Variants in LMBRD2 observed in about 807,000 individuals in gnomAD.
LMBRD2 encodes the protein G protein-coupled receptor-associated protein LMBRD2.
A neutral mutation model predicts 94.4 loss-of-function variants in LMBRD2; 55 were observed. The ratio of observed to expected loss-of-function variants is 0.58; its 90% CI spans 0.47 to 0.73. LMBRD2 has a LOEUF of 0.73. Among genes scored for constraint, LMBRD2 ranks in the 30% least tolerant of loss-of-function variants. The pLI is 0.00. For synonymous variants in LMBRD2, 246 were observed against 272.4 expected, an observed-to-expected ratio of 0.90 and a Z score of 0.95; for missense variants, 640 against 831.9, an observed-to-expected ratio of 0.77 and a Z score of 2.84.
intron 4 of LMBRD2, 57 bp downstream of exon 4, chr5:36,141,050 A>G: frequency 1.1e-6 from 1 of 917,674 alleles, no homozygotes; most frequent in Non-Finnish European, 1.8e-6. Context: ...ATTGATTGAA[A>G]AACATTTTAT....
intron 11 of LMBRD2, 39 bp downstream of exon 11, chr5:36,116,420 TG>T: frequency 6.3e-7 from 1 of 1,581,238 alleles, no homozygotes; most frequent in Non-Finnish European, 8.7e-7. Context: ...ATACACTCAA[TG>T]ATGACATTTC....
intron 16 of LMBRD2, among the ~76,000 whole-genome samples, chr5:36,106,578 C>T (rs996802402): frequency 4.3e-5 from 6 of 140,830 alleles, no homozygotes; most frequent in Non-Finnish European, 6.0e-5. Context: ...GACATGATCT[C>T]GGCTCACTAC....
Position 36,143,310 on chromosome 5 carries a change from A to G in LMBRD2, c.40T>C (p.Phe14Leu), listed in dbSNP as rs373517527. ...AALGLEIVFV[F>L]FLALFLLHRY... Reference sequence around the variant, plus strand: ...TGAAGCAGAAATAATGCCAGAAAAAAGACAAAAACAATCTCAAGTCCCAAA... The same window carrying G: ...TGAAGCAGAAATAATGCCAGAAAAAGGACAAAAACAATCTCAAGTCCCAAA... The change falls in exon 2 of 18, where the codon TTT becomes CTT. Residue 14 changes from phenylalanine (F) to leucine (L), a missense_variant. By Grantham distance (22) the Phe-to-Leu change is conservative (BLOSUM62 0). Coordinates refer to ENST00000296603, the MANE Select transcript of LMBRD2 (RefSeq NM_001007527.2). 14 of 1,613,652 alleles carry G rather than the reference A, an allele frequency of 8.7e-6. No individual in the cohort carries two copies. Among genetic ancestry groups the G allele is most frequent in the African/African-American group, 1.3e-5 (1 of 74,930 alleles).
intron 5 of LMBRD2, 103 bp downstream of exon 5, chr5:36,137,171 T>A: frequency 1.4e-6 from 1 of 696,174 alleles, no homozygotes; most frequent in African/African-American, 1.8e-5. Flanking sequence ...AACAATATAT[T>A]TCTCAATGAA....
rs375355800 is a variant in LMBRD2, at chr5:36,104,112, A to G, written c.2028-6T>C. On this transcript the variant is annotated splice_region_variant and splice_polypyrimidine_tract_variant and intron_variant, in intron 17 of 17. Coordinates refer to ENST00000296603, the MANE Select transcript of LMBRD2 (RefSeq NM_001007527.2). ...ATCGTCCACCAGGCTGATACCTAAA[A>G]AGGGAACATAAAGAAATGATCTGAG... is the stretch of plus-strand genomic sequence containing the variant. The G allele has an allele frequency of 2.3e-5, 37 of 1,604,854 alleles. No homozygotes were observed. The highest frequency in any genetic ancestry group is 1.8e-5 in the Non-Finnish European group (21 of 1,172,652).
intron 2 of LMBRD2, 50 bp downstream of exon 2, chr5:36,143,126 T>C (rs762740428): frequency 5.7e-6 from 7 of 1,234,438 alleles, no homozygotes; most frequent in Non-Finnish European, 8.1e-6. Flanking sequence ...CAACATGCTG[T>C]ATGATTAAAA....
At chr5:36,137,472 C>T in intron 4 of LMBRD2, 31 bp from the exon 5 acceptor site, 2 of 1,433,012 alleles carry the variant, frequency 1.4e-6, no homozygotes, top group Non-Finnish European at 9.5e-7. Flanking sequence ...TGATTAAAAA[C>T]CCAAATAATT....
intron 9 of LMBRD2, among the ~76,000 whole-genome samples, 168 bp from the exon 10 acceptor site, chr5:36,118,084 T>C (rs2111864189): frequency 6.6e-6 from 1 of 152,330 alleles, no homozygotes; most frequent in Non-Finnish European, 1.5e-5. Flanking sequence ...ACACCCATGA[T>C]GGGACAAACT....
rs75584076 is a variant in LMBRD2, at chr5:36,139,770, G to A, written c.368+1337C>T. On this transcript the variant is annotated intron_variant, in intron 4 of 17. Coordinates refer to ENST00000296603, the MANE Select transcript of LMBRD2 (RefSeq NM_001007527.2). ...ACTCTGGGGCTCCTCTCCACTGAGAGCTATACTTGTCAGGACAACCTGCCT... is the reference window on the plus strand; with the variant it reads ...ACTCTGGGGCTCCTCTCCACTGAGAACTATACTTGTCAGGACAACCTGCCT... 3.3e-3 allele frequency among the ~76,000 whole-genome samples: 506 copies of A among 152,260 alleles called. 1 individual carries two copies. The highest frequency in any genetic ancestry group is 5.8e-3 in the Admixed American group (88 of 15,300).
intron 1 of LMBRD2, among the ~76,000 whole-genome samples, chr5:36,146,925 T>TGA (rs146703132): frequency 0.029 from 1,970 of 67,198 alleles, 28 homozygotes; most frequent in African/African-American, 0.097. Context: ...TCTCTGCGTG[T>TGA]GTGTGTGTGT....
chr5:36,108,394 G>GA (rs374122644), intron 16 of LMBRD2, 140 bp downstream of exon 16: 77 of 476,096 alleles, frequency 1.6e-4, no homozygotes, highest in Middle Eastern at 1.0e-3. Flanking sequence ...GAGGAATGCA[G>GA]AAAAAAAAGA....
chr5:36,131,534 AG>A (rs1260212158), intron 6 of LMBRD2, among the ~76,000 whole-genome samples: 1 of 152,182 alleles, frequency 6.6e-6, no homozygotes, highest in Non-Finnish European at 1.5e-5. Context: ...TTGGAAAGAA[AG>A]AAGTCAAATT....
At chr5:36,110,068 G>T in intron 14 of LMBRD2, 77 bp from the exon 15 acceptor site, 2 of 1,062,994 alleles carry the variant, frequency 1.9e-6, no homozygotes, top group Non-Finnish European at 2.9e-6. Context: ...TAAAGATAGC[G>T]GGCAATGACC....
chr5:36,108,898 T>C (rs1324749875), intron 15 of LMBRD2, among the ~76,000 whole-genome samples: 1 of 152,118 alleles, frequency 6.6e-6, no homozygotes, highest in Non-Finnish European at 1.5e-5. Context: ...TCTATCTAAA[T>C]TGTAAAACAA....
rs573850763 is a variant in LMBRD2, at chr5:36,110,136, T to C, written c.1745-145A>G. The C allele has an allele frequency of 8.0e-6, 5 of 626,666 alleles. No homozygotes were observed. The South Asian group carries it at 1.3e-4, about 16-fold the overall frequency. The allele number at this position is 626,666 out of a possible 1,614,324, so 38.8% of individuals were successfully genotyped here. A position where few individuals can be genotyped will look rare whatever the true frequency, so the allele number is the denominator to read the frequency against. ...GTTATAGGTTATTGCTGGAAGGAAT[T>C]TGAGAGGTTACCTTACTCAGTAGTG... On this transcript the variant is annotated intron_variant, in intron 14 of 17. Coordinates refer to ENST00000296603, the MANE Select transcript of LMBRD2 (RefSeq NM_001007527.2).
intron 1 of LMBRD2, among the ~76,000 whole-genome samples, chr5:36,150,420 C>T (rs1321187819): frequency 6.6e-6 from 1 of 152,182 alleles, no homozygotes; most frequent in African/African-American, 2.4e-5. Context: ...CTCATTATGG[C>T]ATCTTAAATA....
chr5:36,128,392 C>T (rs1307732472), intron 6 of LMBRD2, among the ~76,000 whole-genome samples: 2 of 152,108 alleles, frequency 1.3e-5, no homozygotes, highest in Admixed American at 1.3e-4. Flanking sequence ...AGAATCAAGC[C>T]CATCCAGAAA....
Position 36,111,269 on chromosome 5 carries a change from C to T in LMBRD2, c.1641-11G>A, listed in dbSNP as rs572442334. 1.9e-6 allele frequency: 3 copies of T among 1,566,822 alleles called. No individual in the cohort carries two copies. The African/African-American group carries it at 4.1e-5, about 21-fold the overall frequency. On this transcript the variant is annotated splice_polypyrimidine_tract_variant and intron_variant, in intron 13 of 17. Coordinates refer to ENST00000296603, the MANE Select transcript of LMBRD2 (RefSeq NM_001007527.2). ...CAACGGGTTCCCAAACTAATAAAAG[C>T]AGATTTTTTAAAAAGACAAACATTA...
At chr5:36,104,449 C>G (rs2111835888) in intron 17 of LMBRD2, among the ~76,000 whole-genome samples, 1 of 152,052 alleles carries the variant, frequency 6.6e-6, no homozygotes, top group South Asian at 2.1e-4. Flanking sequence ...TGCATATAGG[C>G]AATACTATAG....
Sources: gnomAD v4.1 joint callset for allele counts (sites outside exome capture counted in the v4.1 genomes callset) on GRCh38, gnomAD v4.1.1 for gene constraint, MANE v1.5 for transcripts, NCBI Gene and HGNC (gene_info 2026-07-23, HGNC 2026-07-21) for gene names.